The following LPP variants were observed in gnomAD, a reference collection of about 807,000 sequenced individuals.
The protein encoded by LPP is lipoma-preferred partner.
LPP carries 38 observed loss-of-function variants against 60.4 expected under a neutral mutation model. The ratio of observed to expected loss-of-function variants is 0.63; its 90% CI spans 0.49 to 0.83. The LOEUF is 0.83. Among genes scored for constraint, LPP ranks in the 40% least tolerant of loss-of-function variants. LPP has a pLI of 0.00. For missense variants in LPP, 902 were observed against 783.6 expected, an observed-to-expected ratio of 1.15 and a Z score of -1.80; for synonymous variants, 328 against 290.8, an observed-to-expected ratio of 1.13 and a Z score of -1.30.
At chr3:188,544,164 T>G (rs1263225873) in intron 6 of LPP, among the ~76,000 whole-genome samples, 1 of 152,168 alleles carries the variant, frequency 6.6e-6, no homozygotes, top group African/African-American at 2.4e-5. Flanking sequence ...GGCCAGAAGT[T>G]GTGGCTGAAC....
At chr3:188,200,245 A>ATT (rs532406589) in intron 1 of LPP, among the ~76,000 whole-genome samples, 59 of 139,854 alleles carry the variant, frequency 4.2e-4, no homozygotes, top group Non-Finnish European at 5.0e-4. Context: ...GGGTTTAAGA[A>ATT]TTTTTTTTTT....
At chr3:188,420,603 C>T (rs1206022897) in intron 4 of LPP, among the ~76,000 whole-genome samples, 1 of 152,112 alleles carries the variant, frequency 6.6e-6, no homozygotes, top group Non-Finnish European at 1.5e-5. Flanking sequence ...TAAACTTAGT[C>T]TGCGTGTATG....
At chr3:188,463,780 C>T (rs751530377) in intron 4 of LPP, among the ~76,000 whole-genome samples, 6 of 152,164 alleles carry the variant, frequency 3.9e-5, no homozygotes, top group Non-Finnish European at 8.8e-5. Flanking sequence ...AGGCAGAGAA[C>T]GGTCATTTAA....
intron 6 of LPP, among the ~76,000 whole-genome samples, chr3:188,548,835 C>T (rs778600337): frequency 5.9e-5 from 9 of 152,280 alleles, no homozygotes; most frequent in Middle Eastern, 3.4e-3. Context: ...CTGCATGTTT[C>T]AACTTTCCTC....
intron 6 of LPP, among the ~76,000 whole-genome samples, chr3:188,600,154 T>A (rs532961180): frequency 6.7e-6 from 1 of 149,846 alleles, no homozygotes; most frequent in African/African-American, 2.4e-5. Context: ...TACCACAATA[T>A]TTTAGAGTGT....
At chr3:188,651,068 A>G (rs1456259540) in intron 7 of LPP, among the ~76,000 whole-genome samples, 1 of 152,226 alleles carries the variant, frequency 6.6e-6, no homozygotes, top group Admixed American at 6.5e-5. Flanking sequence ...CAGTTTTGAA[A>G]CACTCAGTCA....
chr3:188,663,876 G>A (rs569183123), intron 7 of LPP, among the ~76,000 whole-genome samples: 52 of 152,188 alleles, frequency 3.4e-4, no homozygotes, highest in Middle Eastern at 3.4e-3. Flanking sequence ...AATAAGGTTC[G>A]CACCCCTATG....
chr3:188,187,161 A>G (rs568266230), intron 1 of LPP, among the ~76,000 whole-genome samples: 3 of 152,290 alleles, frequency 2.0e-5, no homozygotes, highest in East Asian at 3.9e-4. Context: ...GTATATATTA[A>G]TGGTTTTATA....
chr3:188,178,112 T>G (rs1454770452), intron 1 of LPP, among the ~76,000 whole-genome samples: 3 of 152,178 alleles, frequency 2.0e-5, no homozygotes, highest in Non-Finnish European at 2.9e-5. Context: ...TAGTCAGGGC[T>G]CTGATGGAGC....
intron 6 of LPP, among the ~76,000 whole-genome samples, chr3:188,528,997 C>T (rs533716081): frequency 2.0e-5 from 3 of 152,258 alleles, no homozygotes; most frequent in African/African-American, 4.8e-5. Flanking sequence ...AATACACTTT[C>T]GATGTGCCTG....
chr3:188,866,932 C>T (rs542411751), intron 10 of LPP, among the ~76,000 whole-genome samples: 1 of 152,284 alleles, frequency 6.6e-6, no homozygotes, highest in African/African-American at 2.4e-5. Flanking sequence ...AGTTTCATGC[C>T]ATTGTCAACA....
chr3:188,874,901 C>T lies in LPP; in HGVS notation c.*422C>T, dbSNP rs1314090421. 1.3e-5 allele frequency: 3 copies of T among 235,224 alleles called. No individual in the cohort carries two copies. The highest frequency in any genetic ancestry group is 1.7e-4 in the South Asian group (1 of 6,020). The allele number at this position is 235,224 out of a possible 1,614,324, so 14.6% of individuals were successfully genotyped here. ...CTTGAAATCTCCATCCTATCATTTC[C>T]GTTTTGCCTGTGACTGTAAAGAGTA... On this transcript the variant is annotated 3_prime_UTR_variant, in exon 12 of 12. Transcript: ENST00000617246.
intron 2 of LPP, among the ~76,000 whole-genome samples, chr3:188,234,463 G>A (rs754484285): frequency 6.6e-6 from 1 of 152,172 alleles, no homozygotes; most frequent in Admixed American, 6.5e-5. Context: ...GAAAGCATAT[G>A]AGAGGTATCT....
intron 4 of LPP, among the ~76,000 whole-genome samples, chr3:188,478,619 C>T (rs1803873876): frequency 6.6e-6 from 1 of 151,998 alleles, no homozygotes; most frequent in South Asian, 2.1e-4. Flanking sequence ...GGGTCTGGGA[C>T]TATAGAATTG....
At chr3:188,642,004 G>A (rs374920728) in intron 7 of LPP, among the ~76,000 whole-genome samples, 4 of 152,134 alleles carry the variant, frequency 2.6e-5, no homozygotes, top group African/African-American at 9.7e-5. Flanking sequence ...GAAGCAAACC[G>A]CATCCTTGCT....
intron 9 of LPP, among the ~76,000 whole-genome samples, chr3:188,844,204 C>T (rs1760866583): frequency 6.6e-6 from 1 of 152,152 alleles, no homozygotes; most frequent in South Asian, 2.1e-4. Context: ...GACTTATTTT[C>T]TTTCTTTCTG....
chr3:188,301,951 C>G (rs1424641340), intron 2 of LPP, among the ~76,000 whole-genome samples: 1 of 150,740 alleles, frequency 6.6e-6, no homozygotes, highest in East Asian at 1.9e-4. Context: ...GCCACTGTAC[C>G]CAGCCCAATT....
Position 188,609,653 on chromosome 3 carries a change from G to C in LPP, c.922G>C (p.Gly308Arg). The C allele has an allele frequency of 6.2e-7, 1 of 1,614,142 alleles. No individual in the cohort carries two copies. Among genetic ancestry groups the C allele is most frequent in the African/African-American group, 1.3e-5 (1 of 75,032 alleles). Reference sequence around the variant, plus strand: ...CTACTATGCAGCAGGGCCAGGCTATGGGGGCAGAAATGACTCTGACCCTAC... The same window carrying C: ...CTACTATGCAGCAGGGCCAGGCTATCGGGGCAGAAATGACTCTGACCCTAC... ...EGYYAAGPGY[G>R]GRNDSDPTYG... The change falls in exon 7 of 12, where the codon GGG becomes CGG. Residue 308 changes from glycine (G) to arginine (R), a missense_variant. By Grantham distance (125) the Gly-to-Arg change is moderately radical (BLOSUM62 -2). Transcript: ENST00000617246. This position sits in a 1 kb window ranked among gnomAD's most constrained non-coding sequence, Gnocchi z 6.9.
At chr3:188,541,526 T>C (rs1579788512) in intron 6 of LPP, among the ~76,000 whole-genome samples, 1 of 151,498 alleles carries the variant, frequency 6.6e-6, no homozygotes, top group East Asian at 1.9e-4. Context: ...GCATACATAG[T>C]ACATTGACAG....
Sources: gnomAD v4.1 joint callset for allele counts (sites outside exome capture counted in the v4.1 genomes callset) on GRCh38, gnomAD v4.1.1 for gene constraint, Gnocchi (gnomAD v3.1) non-coding constraint, MANE v1.5 for transcripts, NCBI Gene and HGNC (gene_info 2026-07-23, HGNC 2026-07-21) for gene names.